The following CYSLTR2 variants were observed in gnomAD, a reference collection of about 807,000 sequenced individuals.
CYSLTR2 encodes G-protein coupled receptor GPCR21.
For missense variants in CYSLTR2, 398 were observed against 411.9 expected (o/e 0.97, Z 0.29); for synonymous variants, 179 against 160.8 (o/e 1.11, Z -0.86).
chr13:48,695,049 T>C (rs912163520), intron 3 of CYSLTR2, among the ~76,000 whole-genome samples: 14 of 146,360 alleles, frequency 9.6e-5, no homozygotes, highest in African/African-American at 3.3e-4. Flanking sequence ...TGCAAGACCA[T>C]GGTATATCAG....
chr13:48,683,044 G>A (rs1446528832), intron 1 of CYSLTR2, among the ~76,000 whole-genome samples: 1 of 152,148 alleles, frequency 6.6e-6, no homozygotes, highest in Non-Finnish European at 1.5e-5. Context: ...CCGTGTTCCT[G>A]CAAAGGACAC....
At chr13:48,695,618 C>A (rs1464210267) in intron 3 of CYSLTR2, among the ~76,000 whole-genome samples, 7 of 152,200 alleles carry the variant, frequency 4.6e-5, no homozygotes, top group African/African-American at 1.7e-4. Flanking sequence ...AATTACAAAT[C>A]TGTGTTCTCC....
At chr13:48,695,184 C>G (rs1242842992) in intron 3 of CYSLTR2, among the ~76,000 whole-genome samples, 1 of 147,292 alleles carries the variant, frequency 6.8e-6, no homozygotes, top group Admixed American at 7.0e-5. Flanking sequence ...AAATGATCCT[C>G]TCATCTCAGC....
chr13:48,710,519 T>A lies in CYSLTR2; in HGVS notation c.*2661T>A, dbSNP rs780127354. 7.9e-5 allele frequency: 12 copies of A among 152,284 alleles called. No individual in the cohort carries two copies. The highest frequency in any genetic ancestry group is 1.3e-4 in the Non-Finnish European group (9 of 68,024). The allele number at this position is 152,284 out of a possible 1,614,324, so 9.4% of individuals were successfully genotyped here. A position where few individuals can be genotyped will look rare whatever the true frequency, so the allele number is the denominator to read the frequency against. ...AATAAGATACACCAAAGAGAAGCTG[T>A]AAAGTGCTTCCTCTAACAGAAAATG... On this transcript the variant is annotated 3_prime_UTR_variant, in exon 5 of 5. Transcript: ENST00000682523.
intron 1 of CYSLTR2, among the ~76,000 whole-genome samples, chr13:48,672,597 G>GTTCT (rs1231729098): frequency 0.014 from 1,870 of 133,734 alleles, 53 homozygotes; most frequent in South Asian, 0.037. Flanking sequence ...TTTTGAGTGA[G>GTTCT]TTTCTTTTCT....
intron 4 of CYSLTR2, among the ~76,000 whole-genome samples, chr13:48,706,174 T>C (rs919583462): frequency 6.6e-6 from 1 of 152,090 alleles, no homozygotes; most frequent in South Asian, 2.1e-4. Context: ...TTTTGTATTT[T>C]TAGTAGAGAC....
chr13:48,696,145 A>C (rs1954180863), intron 3 of CYSLTR2, among the ~76,000 whole-genome samples: 2 of 152,240 alleles, frequency 1.3e-5, no homozygotes, highest in South Asian at 4.1e-4. Flanking sequence ...CCTAATGACC[A>C]ACAATGTTGA....
intron 1 of CYSLTR2, among the ~76,000 whole-genome samples, chr13:48,670,015 T>C (rs1220771560): frequency 6.6e-6 from 1 of 152,268 alleles, no homozygotes; most frequent in Admixed American, 6.5e-5. Flanking sequence ...GATTTGCATT[T>C]CTCTAATGAC....
chr13:48,682,367 C>T (rs7330144), intron 1 of CYSLTR2, among the ~76,000 whole-genome samples: 31,521 of 152,054 alleles, frequency 0.21, 4,053 homozygotes, highest in East Asian at 0.34. Context: ...TTGTTGTATT[C>T]GCTTTCCTGA....
At position 48,707,486 on chromosome 13, in the gene CYSLTR2, G is replaced by A. The variant is rs750866173; in HGVS notation, c.669G>A (p.Leu223=). ...PFFTLSICYL[L]IIRVLLKVEV... is the part of the protein sequence containing the mutation. Reference sequence around the variant, plus strand: ...TCACACTCAGCATCTGTTATCTGCTGATCATTCGGGTTCTGTTAAAAGTGG... The same window carrying A: ...TCACACTCAGCATCTGTTATCTGCTAATCATTCGGGTTCTGTTAAAAGTGG... The change falls in exon 5 of 5, where the codon CTG becomes CTA. Residue 223 remains leucine, a synonymous_variant. Transcript: ENST00000682523. 5 of 1,613,102 alleles carry A rather than the reference G, an allele frequency of 3.1e-6. No individual in the cohort carries two copies. The highest frequency in any genetic ancestry group is 4.2e-6 in the Non-Finnish European group (5 of 1,180,024).
intron 2 of CYSLTR2, among the ~76,000 whole-genome samples, chr13:48,691,538 G>C (rs1190813639): frequency 6.6e-6 from 1 of 152,068 alleles, no homozygotes; most frequent in Non-Finnish European, 1.5e-5. Context: ...CACAAGCTTT[G>C]CTGCAGCTTC....
At chr13:48,657,686 C>T (rs955642510) in intron 1 of CYSLTR2, among the ~76,000 whole-genome samples, 5 of 151,588 alleles carry the variant, frequency 3.3e-5, no homozygotes, top group African/African-American at 9.7e-5. Context: ...TAATTTCCCA[C>T]GTAAGTCTCC....
chr13:48,675,762 CAGGGCCCTGGTGGT>C (rs1233420782), intron 1 of CYSLTR2, among the ~76,000 whole-genome samples: 1 of 152,080 alleles, frequency 6.6e-6, no homozygotes, highest in Non-Finnish European at 1.5e-5. Context: ...GGTTGAAACC[CAGGGCCCTGGTGGT>C]ATAGGCACCC....
intron 1 of CYSLTR2, among the ~76,000 whole-genome samples, chr13:48,663,338 C>A (rs566135811): frequency 6.6e-6 from 1 of 152,134 alleles, no homozygotes; most frequent in East Asian, 1.9e-4. Context: ...TTTTGTGGCT[C>A]CATACAAAGT....
At chr13:48,670,080 T>C (rs921881146) in intron 1 of CYSLTR2, among the ~76,000 whole-genome samples, 2 of 152,266 alleles carry the variant, frequency 1.3e-5, no homozygotes, top group Non-Finnish European at 2.9e-5. Flanking sequence ...TATCTTCTTT[T>C]GAGAAGTGTC....
At chr13:48,677,981 C>T (rs773880721) in intron 1 of CYSLTR2, among the ~76,000 whole-genome samples, 17 of 151,586 alleles carry the variant, frequency 1.1e-4, no homozygotes, top group Admixed American at 6.6e-4. Flanking sequence ...AAGCTCTTCT[C>T]GTGCCTCAGC....
At chr13:48,668,910 T>G (rs1449663550) in intron 1 of CYSLTR2, among the ~76,000 whole-genome samples, 1 of 152,200 alleles carries the variant, frequency 6.6e-6, no homozygotes, top group African/African-American at 2.4e-5. Flanking sequence ...GTTTCCAGCT[T>G]CATCTATCTC....
rs117837662 is a variant in CYSLTR2, at chr13:48,669,533, A to G, written c.-266+15516A>G. On this transcript the variant is annotated intron_variant, in intron 1 of 4. Coordinates refer to ENST00000682523, the MANE Select transcript of CYSLTR2 (RefSeq NM_001308476.3). ...ATGAGTGAGAACATAATGGTGTTTG[A>G]TTTTCTGTTCCTGTGTTAGTCTGCT... is the stretch of plus-strand genomic sequence containing the variant. Among the ~76,000 whole-genome samples the G allele has an allele frequency of 4.9e-3, 741 of 151,094 alleles. 3 individuals carry two copies. The highest frequency in any genetic ancestry group is 0.014 in the Middle Eastern group (4 of 294).
In CYSLTR2 at chr13:48,708,938, C is replaced by T. The variant is rs577591189; in HGVS notation, c.*1080C>T. On this transcript the variant is annotated 3_prime_UTR_variant, in exon 5 of 5. Transcript: ENST00000682523. ...TACTACCAACTACTATCACCATGAC[C>T]ATTGTACTGACAACAATTGAATGCA... The T allele has an allele frequency of 6.0e-6, 1 of 167,190 alleles. No individual in the cohort carries two copies. The highest frequency in any genetic ancestry group is 2.4e-5 in the African/African-American group (1 of 41,588). 10.4% of individuals were successfully genotyped at this position (167,190 alleles called of 1,614,324 possible).
Sources: gnomAD v4.1 joint callset for allele counts (sites outside exome capture counted in the v4.1 genomes callset) on GRCh38, gnomAD v4.1.1 for gene constraint, MANE v1.5 for transcripts, NCBI Gene and HGNC (gene_info 2026-07-23, HGNC 2026-07-21) for gene names.